The following DEAF1 variants were observed in gnomAD, a reference collection of about 807,000 sequenced individuals.
DEAF1 encodes the protein deformed epidermal autoregulatory factor 1 homolog.
In DEAF1, 53 loss-of-function variants were observed where a neutral mutation model predicts 58.9. The observed-to-expected ratio is 0.90, with a 90% CI of 0.72 to 1.13. The LOEUF (loss-of-function observed/expected upper bound fraction) is 1.13, where lower values mean the gene tolerates loss of function less well. DEAF1 is among the 50% of genes most tolerant of loss of function. DEAF1 has a pLI of 0.00. For synonymous variants in DEAF1, 385 were observed against 340.4 expected, an observed-to-expected ratio of 1.13 and a Z score of -1.44; for missense variants, 685 against 791.4, an observed-to-expected ratio of 0.87 and a Z score of 1.61.
At chr11:653,410 A>G (rs560473221) in intron 11 of DEAF1, among the ~76,000 whole-genome samples, 1 of 145,334 alleles carries the variant, frequency 6.9e-6, no homozygotes, top group Admixed American at 7.0e-5. Context: ...GGGCTCAATA[A>G]TAGAGGAACT....
chr11:660,185 C>T (rs1216449118), intron 10 of DEAF1, among the ~76,000 whole-genome samples: 2 of 152,210 alleles, frequency 1.3e-5, no homozygotes, highest in Admixed American at 6.5e-5. Flanking sequence ...AGAAAACCCT[C>T]AAAACATCAA....
Position 653,984 on chromosome 11 carries a change from CAGT to C in DEAF1, c.1568_1570del (p.Tyr523del). ...TACCTTGCGTTGGCAGAAGGTGGAG[CAGT>C]AGTTGACCTTGTGGCAGCCGGTGCA... On this transcript the variant is annotated inframe_deletion, in exon 11 of 12. Coordinates refer to ENST00000382409, the MANE Select transcript of DEAF1 (RefSeq NM_021008.4). 1 of 1,613,890 alleles carries C rather than the reference CAGT, an allele frequency of 6.2e-7. No homozygotes were observed. Among genetic ancestry groups the C allele is most frequent in the South Asian group, 1.1e-5 (1 of 91,076 alleles).
intron 10 of DEAF1, among the ~76,000 whole-genome samples, chr11:671,922 C>A (rs765555684): frequency 2.0e-5 from 3 of 151,842 alleles, no homozygotes; most frequent in Non-Finnish European, 4.4e-5. Flanking sequence ...CTCTTCTGCT[C>A]GCCTGTCACC....
chr11:705,855 C>T (rs1451339537), intron 1 of DEAF1, among the ~76,000 whole-genome samples: 5 of 152,330 alleles, frequency 3.3e-5, no homozygotes, highest in African/African-American at 7.2e-5. Context: ...CCTGCTGGGG[C>T]GCAGCTAGGC....
At chr11:672,050 T>A (rs1398300610) in intron 10 of DEAF1, among the ~76,000 whole-genome samples, 1 of 152,174 alleles carries the variant, frequency 6.6e-6, no homozygotes, top group Non-Finnish European at 1.5e-5. Context: ...GTGTTGCTGG[T>A]GTTTGGAGCT....
rs1352647775 is a variant in DEAF1 at position 674,745 on chromosome 11, T to G, written c.1294A>C (p.Thr432Pro). The G allele has an allele frequency of 3.7e-6, 6 of 1,613,054 alleles. No individual in the cohort carries two copies. The highest frequency in any genetic ancestry group is 5.1e-6 in the Non-Finnish European group (6 of 1,179,986). The stretch of plus-strand genomic sequence containing the variant: ...GCGGGAGGTGCCGCTTTGGTGGGAG[T>G]CGGGGGTGGGACCGCCAGCGCAGGC... ...SLPALAVPPPTPTKAAPPALV... is the reference protein window; with the variant it reads ...SLPALAVPPPPPTKAAPPALV... The change falls in exon 10 of 12, where the codon ACT becomes CCT. Residue 432 changes from threonine to proline, a missense_variant. Physicochemically the swap from Thr to Pro is conservative, Grantham distance 38 (BLOSUM62 -1). This residue lies in a region of DEAF1 where 343 missense variants were observed against 379.8 expected (regional missense o/e 0.90). Transcript: ENST00000382409.
At chr11:702,438 C>A (rs963475610) in intron 1 of DEAF1, among the ~76,000 whole-genome samples, 1 of 152,236 alleles carries the variant, frequency 6.6e-6, no homozygotes, top group African/African-American at 2.4e-5. Context: ...TCCCCAAGCG[C>A]GCCGCACACT....
upstream of DEAF1, among the ~76,000 whole-genome samples, chr11:697,048 C>T (rs1279303149): frequency 6.6e-6 from 1 of 151,106 alleles, no homozygotes; most frequent in Admixed American, 6.6e-5. Flanking sequence ...TGCAGTTGGC[C>T]AAGATCGCAC....
chr11:697,527 C>T (rs1861254127), upstream of DEAF1: 1 of 152,222 alleles, frequency 6.6e-6, no homozygotes, highest in Admixed American at 6.5e-5. Context: ...AATGTTACAT[C>T]ACTTAAGGCT....
chr11:656,679 C>T (rs928386937), intron 10 of DEAF1, among the ~76,000 whole-genome samples: 1 of 152,098 alleles, frequency 6.6e-6, no homozygotes, highest in Non-Finnish European at 1.5e-5. Flanking sequence ...GGGCACGGGT[C>T]TCCGTGTCCA....
At chr11:669,505 G>A (rs554881667) in intron 10 of DEAF1, among the ~76,000 whole-genome samples, 12 of 150,292 alleles carry the variant, frequency 8.0e-5, no homozygotes, top group Non-Finnish European at 1.3e-4. Flanking sequence ...GCGTGGTGGC[G>A]CATGCCTGTA....
intron 10 of DEAF1, among the ~76,000 whole-genome samples, chr11:654,434 G>A (rs1858948572): frequency 6.6e-6 from 1 of 151,104 alleles, no homozygotes; most frequent in Non-Finnish European, 1.5e-5. Flanking sequence ...CAAAGTGCTG[G>A]GATTACAGGC....
rs191827583 is a variant in DEAF1, at chr11:701,555, T to C, written c.-438+5017A>G. Among the ~76,000 whole-genome samples the C allele has an allele frequency of 8.8e-3, 1,330 of 151,758 alleles. 17 individuals carry two copies. Among genetic ancestry groups the C allele is most frequent in the African/African-American group, 0.03 (1,245 of 41,380 alleles). On this transcript the variant is annotated intron_variant, in intron 1 of 11. Coordinates refer to the DEAF1 transcript ENST00000683307. ...CCTCCCGAGTAACTGGGACTACAGG[T>C]GCCCGCCACCACGCCCGGCTCATTT...
chr11:681,068 C>CA lies in DEAF1; in HGVS notation c.891dup (p.Val298CysfsTer11). 6.2e-7 allele frequency: 1 copy of CA among 1,614,026 alleles called. No individual in the cohort carries two copies. The highest frequency in any genetic ancestry group is 8.5e-7 in the Non-Finnish European group (1 of 1,180,008). ...TCCTTCTTGCGCCTTTTGTAAGGCA[C>CA]AAAAAGCCTGACTGGGCCACTCTGG... On this transcript the variant is annotated frameshift_variant, in exon 7 of 12. Coordinates refer to ENST00000382409, the MANE Select transcript of DEAF1 (RefSeq NM_021008.4). LOFTEE classifies it high-confidence loss of function.
At chr11:655,283 A>G (rs778052923) in intron 10 of DEAF1, among the ~76,000 whole-genome samples, 6 of 151,562 alleles carry the variant, frequency 4.0e-5, no homozygotes, top group Non-Finnish European at 5.9e-5. Flanking sequence ...GCCCCACCTG[A>G]GCTGGTTTCT....
chr11:668,507 G>C (rs926845268), intron 10 of DEAF1, among the ~76,000 whole-genome samples: 9 of 152,072 alleles, frequency 5.9e-5, no homozygotes, highest in Non-Finnish European at 1.2e-4. Flanking sequence ...CTACCCCTGG[G>C]CTCCAGTGAT....
At chr11:657,366 C>G (rs752389356) in intron 10 of DEAF1, among the ~76,000 whole-genome samples, 27 of 152,140 alleles carry the variant, frequency 1.8e-4, no homozygotes, top group Non-Finnish European at 3.5e-4. Flanking sequence ...TCAGGGGACC[C>G]AGGAGCCGAC....
upstream of DEAF1, among the ~76,000 whole-genome samples, chr11:696,133 G>T (rs537495307): frequency 1.8e-3 from 271 of 152,302 alleles, no homozygotes; most frequent in Non-Finnish European, 2.6e-3. Context: ...TGTCCCGCGC[G>T]TGGTTTTTGT....
At chr11:689,106 T>C (rs1380024827) in intron 2 of DEAF1, among the ~76,000 whole-genome samples, 1 of 152,110 alleles carries the variant, frequency 6.6e-6, no homozygotes, top group African/African-American at 2.4e-5. Context: ...CAGGGGCCTC[T>C]CTGAACCCCG....
Sources: allele counts gnomAD v4.1 joint callset (sites outside exome capture counted in the v4.1 genomes callset), GRCh38; gene constraint gnomAD v4.1.1; regional missense constraint gnomAD v4.1.1; transcripts MANE v1.5; gene names NCBI Gene and HGNC (gene_info 2026-07-23, HGNC 2026-07-21).